ZNF362: variants seen among roughly 807,000 people sequenced by gnomAD.
ZNF362 encodes rotund homolog.
Under a neutral mutation model 42.9 loss-of-function variants are expected in ZNF362, and 11 were observed. The ratio of observed to expected loss-of-function variants is 0.26; its 90% CI spans 0.16 to 0.42. The LOEUF (loss-of-function observed/expected upper bound fraction) is 0.42, where lower values mean the gene tolerates loss of function less well. Among genes scored for constraint, ZNF362 ranks in the 20% least tolerant of loss-of-function variants. The pLI, the probability that ZNF362 is intolerant of heterozygous loss-of-function variation, is 1.00. For synonymous variants in ZNF362, 255 were observed against 257.3 expected (o/e 0.99, Z 0.09); for missense variants, 362 against 576.2 (o/e 0.63, Z 3.81).
the ZNF362 span, among the ~76,000 whole-genome samples, chr1:33,217,676 A>C: frequency 6.6e-6 from 1 of 152,306 alleles, no homozygotes; most frequent in Admixed American, 6.5e-5. Flanking sequence ...TTTAAACCAT[A>C]AGAGAAGTAT....
At chr1:33,172,417 C>T in the ZNF362 span, among the ~76,000 whole-genome samples, 37 of 152,112 alleles carry the variant, frequency 2.4e-4, no homozygotes, top group Non-Finnish European at 4.4e-4. Flanking sequence ...TGGCTGCAGC[C>T]AGGCATGTGA....
rs1646103569 is a variant in ZNF362 at position 33,294,585 on chromosome 1, T to A, written c.909-352T>A. Among the ~76,000 whole-genome samples the A allele has an allele frequency of 6.6e-6, 1 of 152,174 alleles. No individual in the cohort carries two copies. Among genetic ancestry groups the A allele is most frequent in the Non-Finnish European group, 1.5e-5 (1 of 68,026 alleles). ...TCCCGACAAAGCTGTGCATCTGTGT[T>A]CTTTGCAATATGTGGTCCGTAGTGT... On this transcript the variant is annotated intron_variant, in intron 6 of 8. Transcript: ENST00000539719. This position sits in a 1 kb window ranked among gnomAD's most constrained non-coding sequence, Gnocchi z 4.2.
chr1:33,290,424 T>C (rs1258419178), intron 6 of ZNF362, among the ~76,000 whole-genome samples: 1 of 151,992 alleles, frequency 6.6e-6, no homozygotes, highest in African/African-American at 2.4e-5. Context: ...TAGTATTCCA[T>C]GGTGTATATG....
chr1:33,186,994 G>A, the ZNF362 span, among the ~76,000 whole-genome samples: 1 of 151,692 alleles, frequency 6.6e-6, no homozygotes. Context: ...GGTGATACAG[G>A]GAAGGGAAGG....
At chr1:33,139,906 T>C in the ZNF362 span, among the ~76,000 whole-genome samples, 1 of 152,154 alleles carries the variant, frequency 6.6e-6, no homozygotes, top group Middle Eastern at 3.2e-3. Context: ...CTCTGCTGCT[T>C]GTCAGGGTTT....
intron 1 of ZNF362, among the ~76,000 whole-genome samples, chr1:33,262,036 G>T (rs1400872354): frequency 6.6e-6 from 1 of 152,160 alleles, no homozygotes; most frequent in Non-Finnish European, 1.5e-5. Flanking sequence ...ATTGGGAGTT[G>T]GTTGGGGCTA....
chr1:33,270,745 T>C, intron 2 of ZNF362, 133 bp downstream of exon 2: 18 of 1,470,970 alleles, frequency 1.2e-5, no homozygotes, highest in Non-Finnish European at 1.6e-5. Context: ...GGGGGAGGTG[T>C]GTGCTTACCC....
the ZNF362 span, among the ~76,000 whole-genome samples, chr1:33,158,837 CT>C: frequency 1.3e-5 from 2 of 150,442 alleles, no homozygotes; most frequent in African/African-American, 4.9e-5. Context: ...CAGTTTTTTT[CT>C]TTTTTTTCTT....
chr1:33,138,282 G>A, the ZNF362 span, among the ~76,000 whole-genome samples: 3 of 152,250 alleles, frequency 2.0e-5, no homozygotes, highest in East Asian at 5.8e-4. Flanking sequence ...GACTAACATG[G>A]AATAACAATC....
At chr1:33,282,802 A>G (rs1372317121) in intron 6 of ZNF362, among the ~76,000 whole-genome samples, 1 of 148,592 alleles carries the variant, frequency 6.7e-6, no homozygotes, top group South Asian at 2.2e-4. Flanking sequence ...AGCCTGGATG[A>G]CAAGAGTGAA....
chr1:33,197,393 G>T, the ZNF362 span, among the ~76,000 whole-genome samples: 1 of 152,094 alleles, frequency 6.6e-6, no homozygotes, highest in Admixed American at 6.5e-5. Context: ...CTGTCTCTCT[G>T]GAGAACCCTG....
chr1:33,224,624 A>T, the ZNF362 span, among the ~76,000 whole-genome samples: 2 of 152,214 alleles, frequency 1.3e-5, no homozygotes, highest in Non-Finnish European at 2.9e-5. Context: ...ATTGCAAGAG[A>T]TCTATAAGAG....
Position 33,299,213 on chromosome 1 carries a change from G to A in ZNF362, c.*167G>A. 1.7e-6 allele frequency: 1 copy of A among 600,732 alleles called. No homozygotes were observed. The allele number at this position is 600,732 out of a possible 1,614,324, so 37.2% of individuals were successfully genotyped here. ...AGAAGCCCTGCCTGGTCCAGTCCGG[G>A]GGCGGCCAGGCCAACTGCAAGATTC... On this transcript the variant is annotated 3_prime_UTR_variant, in exon 9 of 9. Coordinates refer to ENST00000539719, the MANE Select transcript of ZNF362 (RefSeq NM_152493.3).
intron 1 of ZNF362, among the ~76,000 whole-genome samples, chr1:33,265,149 T>C (rs1645856681): frequency 6.6e-6 from 1 of 150,730 alleles, no homozygotes; most frequent in Non-Finnish European, 1.5e-5. Flanking sequence ...CCAGGAGAAA[T>C]AGAAGTAGGG....
chr1:33,235,068 C>T, the ZNF362 span, among the ~76,000 whole-genome samples: 8 of 152,074 alleles, frequency 5.3e-5, no homozygotes, highest in East Asian at 1.9e-4. Context: ...ATGGAGGCAC[C>T]GTGTTGTGTG....
intron 1 of ZNF362, among the ~76,000 whole-genome samples, chr1:33,265,347 G>C (rs1177176178): frequency 1.3e-5 from 2 of 151,840 alleles, no homozygotes; most frequent in Non-Finnish European, 2.9e-5. Flanking sequence ...ACAGTGAGGG[G>C]AAGGGGCAGG....
At chr1:33,259,276 G>T (rs1645813944) in intron 1 of ZNF362, among the ~76,000 whole-genome samples, 1 of 152,206 alleles carries the variant, frequency 6.6e-6, no homozygotes, top group African/African-American at 2.4e-5. Flanking sequence ...TGGTGCTGGT[G>T]ATGGTGTCAT....
the ZNF362 span, chr1:33,147,371 T>C: frequency 1.2e-6 from 2 of 1,614,142 alleles, no homozygotes. The surrounding 1 kb of genome is among the most constrained non-coding windows in gnomAD (Gnocchi z 8.1). Context: ...TTGTCAAGCT[T>C]GTCCCGGACG....
At chr1:33,217,499 C>A in the ZNF362 span, among the ~76,000 whole-genome samples, 1 of 152,226 alleles carries the variant, frequency 6.6e-6, no homozygotes, top group Non-Finnish European at 1.5e-5. Context: ...CTGCACCCCA[C>A]CTTAATATCC....
Sources: gnomAD v4.1 joint callset for allele counts (sites outside exome capture counted in the v4.1 genomes callset) on GRCh38, gnomAD v4.1.1 for gene constraint, Gnocchi (gnomAD v3.1) non-coding constraint, MANE v1.5 for transcripts, NCBI Gene and HGNC (gene_info 2026-07-23, HGNC 2026-07-21) for gene names.